The following BRD10 variants were observed in gnomAD, a reference collection of about 807,000 sequenced individuals.
The protein encoded by BRD10 is bromodomain containing 10, also known as uncharacterized bromodomain-containing protein 10.
At chr9:5,988,727 A>G in the BRD10 span, among the ~76,000 whole-genome samples, 1 of 152,280 alleles carries the variant, frequency 6.6e-6, no homozygotes, top group East Asian at 1.9e-4. Flanking sequence ...ATGTCATAAA[A>G]TCAGAGTGAC....
chr9:5,922,078 T>C, the BRD10 span: 4 of 1,613,922 alleles, frequency 2.5e-6, no homozygotes, highest in African/African-American at 1.3e-5. Flanking sequence ...AACTTGAAGA[T>C]ACAGTATTGG....
the BRD10 span, among the ~76,000 whole-genome samples, chr9:5,885,532 G>A: frequency 2.6e-5 from 4 of 151,950 alleles, no homozygotes; most frequent in Non-Finnish European, 4.4e-5. Flanking sequence ...CACCACGCCC[G>A]GCTAATTTTT....
chr9:5,892,062 C>T, the BRD10 span, among the ~76,000 whole-genome samples: 1 of 152,216 alleles, frequency 6.6e-6, no homozygotes, highest in Admixed American at 6.5e-5. Flanking sequence ...TTGTTAGCCA[C>T]AGCCCTGGGC....
the BRD10 span, among the ~76,000 whole-genome samples, chr9:5,914,409 G>GTTTTTTTTTTTTT: frequency 2.8e-5 from 3 of 106,924 alleles, no homozygotes; most frequent in African/African-American, 7.2e-5. Context: ...AAATCCAGAT[G>GTTTTTTTTTTTTT]GTTTTTTTTT....
the BRD10 span, among the ~76,000 whole-genome samples, chr9:5,995,256 C>T: frequency 6.6e-6 from 1 of 152,136 alleles, no homozygotes; most frequent in Admixed American, 6.5e-5. Context: ...GGTGACTGCC[C>T]ATAACTTATT....
At chr9:5,914,409 G>GTTTTTTTTTT in the BRD10 span, among the ~76,000 whole-genome samples, 21 of 106,964 alleles carry the variant, frequency 2.0e-4, 2 homozygotes, top group Middle Eastern at 6.4e-3. Context: ...AAATCCAGAT[G>GTTTTTTTTTT]GTTTTTTTTT....
the BRD10 span, among the ~76,000 whole-genome samples, chr9:5,885,561 C>T: frequency 2.6e-5 from 4 of 151,948 alleles, no homozygotes; most frequent in East Asian, 7.7e-4. Context: ...TTAGTAGAGA[C>T]GGGTTTTCTC....
At chr9:6,000,413 T>C in the BRD10 span, among the ~76,000 whole-genome samples, 1 of 152,154 alleles carries the variant, frequency 6.6e-6, no homozygotes, top group African/African-American at 2.4e-5. Context: ...AACTCTCATC[T>C]TACAGAGACA....
chr9:5,969,127 G>C, the BRD10 span: 6 of 1,613,690 alleles, frequency 3.7e-6, no homozygotes, highest in Admixed American at 1.7e-5. Flanking sequence ...CTGCTTCCCA[G>C]GTCCTATAAG....
the BRD10 span, among the ~76,000 whole-genome samples, chr9:5,956,631 C>T: frequency 1.3e-5 from 2 of 152,098 alleles, no homozygotes; most frequent in African/African-American, 4.8e-5. Context: ...TTAGCTATTG[C>T]TTTAGCTTTA....
chr9:5,926,977 TTC>T, the BRD10 span, among the ~76,000 whole-genome samples: 1 of 152,302 alleles, frequency 6.6e-6, no homozygotes, highest in East Asian at 1.9e-4. Flanking sequence ...TATGTAGGTT[TTC>T]AATTATTGTT....
chr9:6,007,148 G>A, the BRD10 span: 1 of 1,565,130 alleles, frequency 6.4e-7, no homozygotes, highest in South Asian at 1.2e-5. Flanking sequence ...GTGTGAGTGT[G>A]TGTTTGTGTC....
the BRD10 span, among the ~76,000 whole-genome samples, chr9:5,981,790 T>C: frequency 2.0e-5 from 3 of 152,322 alleles, no homozygotes; most frequent in East Asian, 5.8e-4. Context: ...AGTCACATGA[T>C]GTAATACTAT....
chr9:5,888,073 G>A, the BRD10 span, among the ~76,000 whole-genome samples: 5 of 152,304 alleles, frequency 3.3e-5, no homozygotes, highest in African/African-American at 1.2e-4. Flanking sequence ...GAAAGGAATG[G>A]GTCCTCAGGT....
At chr9:5,978,031 G>C in the BRD10 span, among the ~76,000 whole-genome samples, 3 of 152,146 alleles carry the variant, frequency 2.0e-5, no homozygotes, top group African/African-American at 4.8e-5. Flanking sequence ...GGCTGCCTAA[G>C]GATATTTGCA....
the BRD10 span, among the ~76,000 whole-genome samples, chr9:5,882,589 T>C: frequency 6.6e-5 from 10 of 152,222 alleles, no homozygotes; most frequent in Non-Finnish European, 1.3e-4. Context: ...GCCTAATTAC[T>C]GCCTGTCCAG....
At chr9:5,887,723 C>A in the BRD10 span, among the ~76,000 whole-genome samples, 1 of 152,158 alleles carries the variant, frequency 6.6e-6, no homozygotes, top group Non-Finnish European at 1.5e-5. Context: ...CCAATTTTTG[C>A]ACAAAATTCC....
At chr9:5,949,589 A>G in the BRD10 span, among the ~76,000 whole-genome samples, 40 of 152,312 alleles carry the variant, frequency 2.6e-4, no homozygotes, top group African/African-American at 9.6e-4. Flanking sequence ...TCTTCTGCAA[A>G]GCAGCCTTTA....
the BRD10 span, among the ~76,000 whole-genome samples, chr9:5,928,626 C>A: frequency 6.6e-6 from 1 of 152,174 alleles, no homozygotes; most frequent in African/African-American, 2.4e-5. Context: ...ATTCCCTCTG[C>A]TTTCCCCTCA....
Sources: allele counts gnomAD v4.1 joint callset (sites outside exome capture counted in the v4.1 genomes callset), GRCh38; gene constraint gnomAD v4.1.1; transcripts MANE v1.5; gene names NCBI Gene and HGNC (gene_info 2026-07-23, HGNC 2026-07-21).